GRM7: variants seen among roughly 807,000 people sequenced by gnomAD.
GRM7 encodes the protein glutamate metabotropic receptor 7.
Under a neutral mutation model 84.5 loss-of-function variants are expected in GRM7, and 35 were observed. The observed-to-expected ratio is 0.41, with a 90% CI of 0.32 to 0.55. The LOEUF (loss-of-function observed/expected upper bound fraction) is 0.55, where lower values mean the gene tolerates loss of function less well. Ranked by LOEUF, GRM7 falls within the 20% of genes least tolerant of loss-of-function variation. The pLI is 0.19. For missense variants in GRM7, 1,003 were observed against 1,194.6 expected (o/e 0.84, Z 2.36); for synonymous variants, 487 against 455.1 (o/e 1.07, Z -0.89).
rs1217003662 is a variant in GRM7 at position 7,509,969 on chromosome 3, T to A, written c.1515+48247T>A. ...AGCTAAACCTGGAAAACTTGGAACA[T>A]AAGCCAGTGTTATCTGTAATATTTA... On this transcript the variant is annotated intron_variant, in intron 7 of 9. Coordinates refer to ENST00000357716, the MANE Select transcript of GRM7 (RefSeq NM_000844.4). 2.0e-5 allele frequency among the ~76,000 whole-genome samples: 3 copies of A among 152,298 alleles called. No homozygotes were observed. The East Asian group carries it at 5.8e-4, about 29-fold the overall frequency.
At chr3:7,688,004 T>A (rs942793941) in intron 9 of GRM7, among the ~76,000 whole-genome samples, 87 of 152,254 alleles carry the variant, frequency 5.7e-4, no homozygotes, top group African/African-American at 2.1e-3. Flanking sequence ...ATTTCAAGTT[T>A]TTTTTGTAGT....
intron 8 of GRM7, among the ~76,000 whole-genome samples, chr3:7,598,753 T>G (rs6766742): frequency 6.6e-6 from 1 of 152,128 alleles, no homozygotes; most frequent in Non-Finnish European, 1.5e-5. Context: ...AGATACTTCT[T>G]GACAGCACAG....
At chr3:7,293,383 C>A (rs1002572198) in intron 2 of GRM7, among the ~76,000 whole-genome samples, 3 of 152,136 alleles carry the variant, frequency 2.0e-5, no homozygotes, top group Non-Finnish European at 4.4e-5. Flanking sequence ...CTCTGAAATT[C>A]TTTTCGTTAC....
chr3:7,180,943 C>T (rs945087097), intron 2 of GRM7, among the ~76,000 whole-genome samples: 4 of 152,138 alleles, frequency 2.6e-5, no homozygotes, highest in Non-Finnish European at 5.9e-5. Flanking sequence ...ACCTCCCTTT[C>T]TAGAAAGTCA....
At chr3:7,361,137 C>T (rs890257638) in intron 4 of GRM7, among the ~76,000 whole-genome samples, 1 of 151,998 alleles carries the variant, frequency 6.6e-6, no homozygotes, top group African/African-American at 2.4e-5. Flanking sequence ...TTTTCTTATT[C>T]GTTGATTTAT....
At chr3:7,052,119 T>C (rs1426555380) in intron 1 of GRM7, among the ~76,000 whole-genome samples, 3 of 151,752 alleles carry the variant, frequency 2.0e-5, no homozygotes, top group Non-Finnish European at 4.4e-5. Context: ...ATTTTAAAGC[T>C]TCCAAATGAC....
At chr3:6,960,816 G>T (rs1693269374) in intron 1 of GRM7, among the ~76,000 whole-genome samples, 1 of 152,092 alleles carries the variant, frequency 6.6e-6, no homozygotes, top group Non-Finnish European at 1.5e-5. Context: ...CTATGGTGGG[G>T]CCTGGGGGTT....
chr3:7,630,805 A>G (rs1212584547), intron 8 of GRM7, among the ~76,000 whole-genome samples: 3 of 152,342 alleles, frequency 2.0e-5, no homozygotes, highest in South Asian at 2.1e-4. Flanking sequence ...GTAGGTACAA[A>G]ATGAGCATTA....
At chr3:7,498,763 A>T (rs762658854) in intron 7 of GRM7, among the ~76,000 whole-genome samples, 1 of 152,162 alleles carries the variant, frequency 6.6e-6, no homozygotes. Flanking sequence ...AGCTATAAGA[A>T]GTTTTTTGCC....
At chr3:7,426,756 C>T (rs1433561888) in intron 5 of GRM7, among the ~76,000 whole-genome samples, 3 of 152,162 alleles carry the variant, frequency 2.0e-5, no homozygotes, top group Non-Finnish European at 4.4e-5. Context: ...ATCTTCACAT[C>T]CCCAGCCCTA....
chr3:7,739,660 A>G (rs1416212586), intron 9 of GRM7, among the ~76,000 whole-genome samples: 1 of 152,174 alleles, frequency 6.6e-6, no homozygotes, highest in African/African-American at 2.4e-5. Flanking sequence ...TGTGGCTGCA[A>G]TACAGTAGAT....
intron 7 of GRM7, among the ~76,000 whole-genome samples, chr3:7,552,519 T>C (rs930273583): frequency 3.9e-5 from 6 of 152,196 alleles, no homozygotes; most frequent in Non-Finnish European, 5.9e-5. Flanking sequence ...TCCACTCCTA[T>C]AGCAAACTTC....
intron 4 of GRM7, among the ~76,000 whole-genome samples, chr3:7,310,018 C>T (rs1700335471): frequency 6.6e-6 from 1 of 152,168 alleles, no homozygotes; most frequent in African/African-American, 2.4e-5. Context: ...TCTTAATAAT[C>T]CTCTGCAGCC....
chr3:7,259,874 T>C (rs1284228091), intron 2 of GRM7, among the ~76,000 whole-genome samples: 2 of 151,778 alleles, frequency 1.3e-5, no homozygotes, highest in South Asian at 2.1e-4. Flanking sequence ...CACACTGCGT[T>C]CCACAATGGT....
chr3:7,580,097 A>C (rs542089535), intron 8 of GRM7, among the ~76,000 whole-genome samples: 45 of 152,372 alleles, frequency 3.0e-4, no homozygotes, highest in African/African-American at 1.1e-3. Context: ...CCTTCCAGGT[A>C]GTTATAAGTC....
At chr3:7,231,993 C>G (rs902967015) in intron 2 of GRM7, among the ~76,000 whole-genome samples, 3 of 151,998 alleles carry the variant, frequency 2.0e-5, no homozygotes, top group African/African-American at 4.8e-5. Flanking sequence ...TGTGCTGAAC[C>G]GAAGTACACA....
At chr3:7,734,490 T>C (rs1179387843) in intron 9 of GRM7, among the ~76,000 whole-genome samples, 2 of 152,342 alleles carry the variant, frequency 1.3e-5, no homozygotes, top group East Asian at 1.9e-4. Flanking sequence ...GTGTTTAATA[T>C]GTGTTAAGTA....
chr3:7,695,555 TAATA>T (rs1418317229), intron 9 of GRM7, among the ~76,000 whole-genome samples: 2 of 152,188 alleles, frequency 1.3e-5, no homozygotes, highest in Non-Finnish European at 2.9e-5. Flanking sequence ...CTGTTGCTGT[TAATA>T]AATCAGCCAT....
rs575337313 is a variant in GRM7 at position 7,642,162 on chromosome 3, C to T, written c.2452-37887C>T. 6.2e-4 allele frequency among the ~76,000 whole-genome samples: 95 copies of T among 152,240 alleles called. No homozygotes were observed. The South Asian group carries it at 0.018, about 28-fold the overall frequency. ...TACATAGAAATTACCTGAGAGTCTT[C>T]GTAAATGTACATTTTTGCCTAGGAA... is the stretch of plus-strand genomic sequence containing the variant. On this transcript the variant is annotated intron_variant, in intron 8 of 9. Coordinates refer to ENST00000357716, the MANE Select transcript of GRM7 (RefSeq NM_000844.4).
Sources: allele counts gnomAD v4.1 joint callset (sites outside exome capture counted in the v4.1 genomes callset), GRCh38; gene constraint gnomAD v4.1.1; transcripts MANE v1.5; gene names NCBI Gene and HGNC (gene_info 2026-07-23, HGNC 2026-07-21).